CPNE2: variants seen among roughly 807,000 people sequenced by gnomAD.
CPNE2 encodes copine-2.
A neutral mutation model predicts 69.7 loss-of-function variants in CPNE2; 42 were observed. The observed-to-expected ratio is 0.60, with a 90% CI of 0.47 to 0.78. The LOEUF (loss-of-function observed/expected upper bound fraction) is 0.78. Among genes scored for constraint, CPNE2 ranks in the 30% least tolerant of loss-of-function variants. The probability of loss-of-function intolerance (pLI) is 0.00; values close to 1 mark genes in which losing one functional copy is unlikely to be tolerated. For synonymous variants in CPNE2, 294 were observed against 289.8 expected (o/e 1.01, Z -0.15); for missense variants, 587 against 732.0 (o/e 0.80, Z 2.29).
intron 1 of CPNE2, among the ~76,000 whole-genome samples, chr16:57,093,161 G>T (rs2069555134): frequency 6.6e-6 from 1 of 152,122 alleles, no homozygotes; most frequent in South Asian, 2.1e-4. Context: ...GAAGGCGTGA[G>T]GTCGCCCTGG....
At chr16:57,093,966 C>A in intron 1 of CPNE2, 1 of 446,664 alleles carries the variant, frequency 2.2e-6, no homozygotes, top group Non-Finnish European at 4.5e-6. Context: ...TGGCCCAGAC[C>A]CTCCCCCCCT....
At chr16:57,107,793 A>C (rs1471596129) in intron 1 of CPNE2, among the ~76,000 whole-genome samples, 3 of 143,048 alleles carry the variant, frequency 2.1e-5, no homozygotes, top group African/African-American at 7.9e-5. Flanking sequence ...GGTCCTGGCC[A>C]CTCTCCCTGC....
intron 2 of CPNE2, among the ~76,000 whole-genome samples, chr16:57,112,351 C>T (rs1337591838): frequency 1.3e-5 from 2 of 152,160 alleles, no homozygotes; most frequent in African/African-American, 4.8e-5. Context: ...TTCCCTTCCA[C>T]CAGGTCTCTA....
chr16:57,125,139 C>T (rs1354020989), intron 10 of CPNE2: 35 of 357,632 alleles, frequency 9.8e-5, no homozygotes, highest in South Asian at 2.0e-4. Flanking sequence ...GTTGTTCTTG[C>T]CTACCCCTCT....
At chr16:57,125,542 A>G in intron 10 of CPNE2, 1 of 408,174 alleles carries the variant, frequency 2.4e-6, no homozygotes, top group Non-Finnish European at 4.7e-6. Flanking sequence ...TTATGAATAA[A>G]TGCCTGCATA....
chr16:57,134,126 G>A lies in CPNE2; in HGVS notation c.1117-649G>A, dbSNP rs1323371844. Among the ~76,000 whole-genome samples the A allele has an allele frequency of 4.6e-5, 7 of 152,316 alleles. No homozygotes were observed. The South Asian group carries it at 6.2e-4, about 14-fold the overall frequency. ...GATGTGATGGGTGCAGCAGTGTCCC[G>A]GAGTGTCCGGGTCAGTCTCTGATGA... On this transcript the variant is annotated intron_variant, in intron 12 of 15. Transcript: ENST00000290776.
chr16:57,103,675 T>C (rs2069630041), intron 1 of CPNE2, among the ~76,000 whole-genome samples: 1 of 152,072 alleles, frequency 6.6e-6, no homozygotes, highest in Non-Finnish European at 1.5e-5. Context: ...CACTGTCCCC[T>C]CCTCTCCGCC....
chr16:57,110,980 G>A (rs2069677945), intron 2 of CPNE2, 58 bp downstream of exon 2: 2 of 1,513,530 alleles, frequency 1.3e-6, no homozygotes, highest in South Asian at 2.5e-5. Flanking sequence ...GCTGGGGAGG[G>A]GGAGTCTCCC....
chr16:57,136,210 A>C (rs1463919445), intron 13 of CPNE2, among the ~76,000 whole-genome samples: 1 of 152,156 alleles, frequency 6.6e-6, no homozygotes, highest in African/African-American at 2.4e-5. Context: ...CATAGCATCT[A>C]CCTTCCCTGG....
intron 13 of CPNE2, 127 bp downstream of exon 13, chr16:57,134,953 A>G: frequency 9.8e-7 from 1 of 1,017,418 alleles, no homozygotes. Context: ...ACTGTTGCTC[A>G]GAGTGACAGA....
chr16:57,117,433 T>C, intron 4 of CPNE2, 63 bp from the exon 5 acceptor site: 1 of 1,550,490 alleles, frequency 6.4e-7, no homozygotes, highest in Non-Finnish European at 8.8e-7. Flanking sequence ...GGGCACCCTG[T>C]GCCATCCTGC....
At chr16:57,109,574 C>G (rs1185740480) in intron 1 of CPNE2, among the ~76,000 whole-genome samples, 5 of 152,074 alleles carry the variant, frequency 3.3e-5, no homozygotes, top group African/African-American at 1.2e-4. Flanking sequence ...ATGGTTATTT[C>G]TTGATGATAT....
chr16:57,098,276 C>T (rs1281997507), intron 1 of CPNE2, among the ~76,000 whole-genome samples: 4 of 152,228 alleles, frequency 2.6e-5, no homozygotes, highest in African/African-American at 7.2e-5. Context: ...TATTTATCCC[C>T]GTAATGGCCT....
At chr16:57,133,268 C>T (rs16966647) in intron 12 of CPNE2, among the ~76,000 whole-genome samples, 4,983 of 152,188 alleles carry the variant, frequency 0.033, 201 homozygotes, top group East Asian at 0.14. Context: ...GGCTCTGTGC[C>T]GGGCGCCTAA....
In CPNE2 at chr16:57,146,393, G is replaced by A; in HGVS notation, c.1539+72G>A. On this transcript the variant is annotated intron_variant, in intron 15 of 15. Transcript: ENST00000290776. This position sits in a 1 kb window ranked among gnomAD's most constrained non-coding sequence, Gnocchi z 4.4. ...CACCATAGCTCATAATCAAGCTTGA[G>A]AGTCTTGGGGTTGTCTGGCCCAATC... 1 of 1,310,788 alleles carries A rather than the reference G, an allele frequency of 7.6e-7. No individual in the cohort carries two copies. Among genetic ancestry groups the A allele is most frequent in the Non-Finnish European group, 1.1e-6 (1 of 949,986 alleles). 81.2% of individuals were successfully genotyped at this position (1,310,788 alleles called of 1,614,324 possible). A position where few individuals can be genotyped will look rare whatever the true frequency, so the allele number is the denominator to read the frequency against.
chr16:57,095,211 A>G (rs1342728179), intron 1 of CPNE2, among the ~76,000 whole-genome samples: 2 of 152,144 alleles, frequency 1.3e-5, no homozygotes, highest in Non-Finnish European at 2.9e-5. Flanking sequence ...CTGGGATGCC[A>G]GGTCACCCTG....
chr16:57,134,944 C>T, intron 13 of CPNE2, 118 bp downstream of exon 13: 1 of 1,127,706 alleles, frequency 8.9e-7, no homozygotes, highest in Non-Finnish European at 1.3e-6. Context: ...CTCCCCCTTA[C>T]TGTTGCTCAG....
rs1212270861 is a variant in CPNE2, at chr16:57,125,728, C to T, written c.928-132C>T. ...AATCAGAGCATTTCTAGGTTTCAGA[C>T]CATCTTATTGTGGGGAGGGCTGGGA... On this transcript the variant is annotated intron_variant, in intron 10 of 15. Coordinates refer to ENST00000290776, the MANE Select transcript of CPNE2 (RefSeq NM_152727.6). 7 of 1,113,542 alleles carry T rather than the reference C, an allele frequency of 6.3e-6. No homozygotes were observed. In the Admixed American group the frequency reaches 7.7e-5, roughly 12 times the overall value. 69.0% of individuals were successfully genotyped at this position (1,113,542 alleles called of 1,614,324 possible). A position where few individuals can be genotyped will look rare whatever the true frequency, so the allele number is the denominator to read the frequency against.
intron 8 of CPNE2, 52 bp downstream of exon 8, chr16:57,121,243 A>AG: frequency 6.6e-7 from 1 of 1,525,996 alleles, no homozygotes; most frequent in Non-Finnish European, 9.0e-7. Flanking sequence ...GGCTGGGGGA[A>AG]GGGGCACCGG....
Sources: allele counts gnomAD v4.1 joint callset (sites outside exome capture counted in the v4.1 genomes callset), GRCh38; gene constraint gnomAD v4.1.1; non-coding constraint Gnocchi (gnomAD v3.1); transcripts MANE v1.5; gene names NCBI Gene and HGNC (gene_info 2026-07-23, HGNC 2026-07-21).